CDC6: variants seen among roughly 807,000 people sequenced by gnomAD.
The protein encoded by CDC6 is cell division cycle 6.
In CDC6, 46 loss-of-function variants were observed where a neutral mutation model predicts 60.2. The observed-to-expected ratio is 0.76, with a 90% CI of 0.60 to 0.98. The LOEUF (loss-of-function observed/expected upper bound fraction) is 0.98, where lower values mean the gene tolerates loss of function less well. Ranked by LOEUF, CDC6 falls within the 50% of genes least tolerant of loss-of-function variation. The probability of loss-of-function intolerance (pLI) is 0.00; values close to 1 mark genes in which losing one functional copy is unlikely to be tolerated. For synonymous variants in CDC6, 210 were observed against 233.2 expected (o/e 0.90, Z 0.90); for missense variants, 596 against 652.9 (o/e 0.91, Z 0.95).
chr17:40,300,187 C>T (rs1309957887), intron 9 of CDC6, among the ~76,000 whole-genome samples: 1 of 152,220 alleles, frequency 6.6e-6, no homozygotes, highest in East Asian at 1.9e-4. Context: ...TGGTCTCCAA[C>T]TCCTGACCTC....
In CDC6 at chr17:40,302,002, ATTC is replaced by A. The variant is rs754815476; in HGVS notation, c.*6_*8del. The A allele has an allele frequency of 2.0e-6, 3 of 1,535,814 alleles. No homozygotes were observed. Among genetic ancestry groups the A allele is most frequent in the East Asian group, 2.2e-5 (1 of 44,504 alleles). On this transcript the variant is annotated 3_prime_UTR_variant, in exon 12 of 12. Transcript: ENST00000209728. The stretch of plus-strand genomic sequence containing the variant: ...TATCTTAGCTACTGGATTGCCTTAA[ATTC>A]TTCTCTTACACCCCACCCGAAAGTA...
chr17:40,293,136 G>T (rs2032793742), intron 4 of CDC6, among the ~76,000 whole-genome samples: 1 of 152,092 alleles, frequency 6.6e-6, no homozygotes, highest in African/African-American at 2.4e-5. Context: ...CTACTTGGGA[G>T]GCTGAGGCAG....
chr17:40,291,333 C>T lies in CDC6; in HGVS notation c.454C>T (p.Gln152Ter). 6.2e-7 allele frequency: 1 copy of T among 1,614,188 alleles called. No homozygotes were observed. The highest frequency in any genetic ancestry group is 8.5e-7 in the Non-Finnish European group (1 of 1,180,006). Residue 152 changes from glutamine (Q) to a stop codon, truncating the protein, a stop_gained, in exon 3 of 12, where the codon CAA becomes TAA. Coordinates refer to ENST00000209728, the MANE Select transcript of CDC6 (RefSeq NM_001254.4). LOFTEE classifies it high-confidence loss of function. ...KESACVRLFK[Q>*]EGTCYQQAKL... ...ATCTGCATGTGTGAGACTATTCAAG[C>T]AAGAAGGTTTGTTCTTACATGGCAA... is the stretch of plus-strand genomic sequence containing the variant.
chr17:40,288,185 G>C (rs2032691439), intron 1 of CDC6, 95 bp downstream of exon 1: 1 of 152,918 alleles, frequency 6.5e-6, no homozygotes, highest in African/African-American at 2.4e-5. Context: ...GCAGTTATGC[G>C]TGGTGTGAAG....
intron 9 of CDC6, 64 bp downstream of exon 9, chr17:40,296,831 A>C: frequency 1.9e-6 from 2 of 1,050,816 alleles, no homozygotes; most frequent in Non-Finnish European, 3.0e-6. Flanking sequence ...CTGAGGAAAG[A>C]GGTAGAAAGA....
chr17:40,300,863 G>C lies in CDC6; in HGVS notation c.1285G>C (p.Val429Leu). Residue 429 changes from valine to leucine, a missense_variant, in exon 10 of 12, where the codon GTT becomes CTT. Coordinates refer to ENST00000209728, the MANE Select transcript of CDC6 (RefSeq NM_001254.4). The part of the protein sequence containing the change: ...SPSEPLIPKR[V>L]GLIHISQVIS... ...TTCTGAGCCTCTGATTCCCAAGAGG[G>C]TTGGTCTTATTCACATATCCCAAGT... 1 of 1,614,124 alleles carries C rather than the reference G, an allele frequency of 6.2e-7. No homozygotes were observed. The highest frequency in any genetic ancestry group is 1.1e-5 in the South Asian group (1 of 91,084).
chr17:40,297,395 A>G (rs1266026297), intron 9 of CDC6, among the ~76,000 whole-genome samples: 2 of 152,178 alleles, frequency 1.3e-5, no homozygotes, highest in African/African-American at 4.8e-5. Flanking sequence ...ACCAAACACC[A>G]CATGTTCTCA....
chr17:40,294,333 C>G, intron 6 of CDC6, 31 bp from the exon 7 acceptor site: 2 of 1,534,776 alleles, frequency 1.3e-6, no homozygotes, highest in Non-Finnish European at 1.8e-6. Context: ...ATAATTTGAC[C>G]AATGATCAAT....
At position 40,293,530 on chromosome 17, in the gene CDC6, T is replaced by A. The variant is rs368467440; in HGVS notation, c.735T>A (p.Ala245=). Residue 245 remains alanine (A), a synonymous_variant, in exon 5 of 12, where the codon GCT becomes GCA. Transcript: ENST00000209728. ...GGACTGCCCAGGCTGTATTCCCAGCTATTGCTCAGGAGATTTGTCAGGAAG... is the reference window on the plus strand; with the variant it reads ...GGACTGCCCAGGCTGTATTCCCAGCAATTGCTCAGGAGATTTGTCAGGAAG... ...SLRTAQAVFP[A]IAQEICQEEV... is the part of the protein sequence containing the mutation. 8 of 1,613,674 alleles carry A rather than the reference T, an allele frequency of 5.0e-6. No homozygotes were observed. The African/African-American group carries it at 9.3e-5, about 19-fold the overall frequency.
At chr17:40,289,666 G>A in intron 2 of CDC6, 68 bp downstream of exon 2, 1 of 1,050,256 alleles carries the variant, frequency 9.5e-7, no homozygotes, top group Non-Finnish European at 1.5e-6. Flanking sequence ...TAAGATGTGT[G>A]TCCTTTGAAG....
At chr17:40,301,390 C>A in intron 10 of CDC6, 78 bp from the exon 11 acceptor site, 1 of 1,452,776 alleles carries the variant, frequency 6.9e-7, no homozygotes, top group Non-Finnish European at 9.7e-7. Context: ...CAAACCCAGA[C>A]TCAGGTTTCT....
Position 40,296,773 on chromosome 17 carries a change from T to A in CDC6, c.1249+6T>A. ...TCTCAAACCACTGTCTGAATGTAAG[T>A]AGTTTATCTCCTTCCTGTCTTCCTT... On this transcript the variant is annotated splice_donor_region_variant and intron_variant, in intron 9 of 11. Coordinates refer to ENST00000209728, the MANE Select transcript of CDC6 (RefSeq NM_001254.4). 1 of 1,565,706 alleles carries A rather than the reference T, an allele frequency of 6.4e-7. No homozygotes were observed. The highest frequency in any genetic ancestry group is 8.8e-7 in the Non-Finnish European group (1 of 1,135,870).
At chr17:40,296,902 C>T (rs2032866794) in intron 9 of CDC6, 135 bp downstream of exon 9, 10 of 734,740 alleles carry the variant, frequency 1.4e-5, no homozygotes, top group Admixed American at 3.9e-5. Context: ...GTTTTTAGTC[C>T]GTTTCGTCTA....
chr17:40,293,349 G>T, intron 4 of CDC6, 107 bp from the exon 5 acceptor site: 1 of 779,904 alleles, frequency 1.3e-6, no homozygotes, highest in Non-Finnish European at 2.3e-6. Context: ...CCAAATGAAA[G>T]TAGAGCTTCC....
At chr17:40,295,069 A>G (rs185285095) in intron 7 of CDC6, among the ~76,000 whole-genome samples, 2 of 152,290 alleles carry the variant, frequency 1.3e-5, no homozygotes, top group Non-Finnish European at 2.9e-5. Flanking sequence ...GGCCTATGAA[A>G]AAACTTTTTC....
rs1259011589 is a variant in CDC6, at chr17:40,289,534, T to C, written c.114T>C (p.Asn38=). The part of the protein sequence containing the change: ...NSSDAKLEPT[N]VQTVTCSPRV... The stretch of plus-strand genomic sequence containing the variant: ...GTGATGCCAAACTAGAACCAACAAA[T>C]GTCCAAACCGTAACCTGTTCTCCTC... Residue 38 remains asparagine (N), a synonymous_variant, in exon 2 of 12, where the codon AAT becomes AAC. Coordinates refer to ENST00000209728, the MANE Select transcript of CDC6 (RefSeq NM_001254.4). 2.0e-5 allele frequency: 33 copies of C among 1,614,000 alleles called. No individual in the cohort carries two copies. The highest frequency in any genetic ancestry group is 2.7e-5 in the Non-Finnish European group (32 of 1,179,978).
At chr17:40,299,975 T>G (rs1450826890) in intron 9 of CDC6, among the ~76,000 whole-genome samples, 1 of 152,104 alleles carries the variant, frequency 6.6e-6, no homozygotes, top group African/African-American at 2.4e-5. Flanking sequence ...CCCTTTCTTT[T>G]TTTTTTATAT....
Position 40,303,331 on chromosome 17 carries a change from G to A in CDC6, c.*1330G>A, listed in dbSNP as rs2032964289. On this transcript the variant is annotated 3_prime_UTR_variant, in exon 12 of 12. Transcript: ENST00000209728. ...CAAATGCTTGAAATGTAAACCATGTGTGATACGAATGATCTGAGAGCCAGT... is the reference window on the plus strand; with the variant it reads ...CAAATGCTTGAAATGTAAACCATGTATGATACGAATGATCTGAGAGCCAGT... 1 of 152,198 alleles carries A rather than the reference G, an allele frequency of 6.6e-6. No homozygotes were observed. Among genetic ancestry groups the A allele is most frequent in the South Asian group, 2.1e-4 (1 of 4,830 alleles). The allele number at this position is 152,198 out of a possible 1,614,324, so 9.4% of individuals were successfully genotyped here.
chr17:40,290,754 T>C (rs1255308217), intron 2 of CDC6, among the ~76,000 whole-genome samples: 2 of 152,196 alleles, frequency 1.3e-5, no homozygotes, highest in Non-Finnish European at 2.9e-5. Flanking sequence ...GGTAGGATGG[T>C]GCGGGATTTC....
Sources: allele counts gnomAD v4.1 joint callset (sites outside exome capture counted in the v4.1 genomes callset), GRCh38; gene constraint gnomAD v4.1.1; transcripts MANE v1.5; gene names NCBI Gene and HGNC (gene_info 2026-07-23, HGNC 2026-07-21).